HIP1: variants seen among roughly 807,000 people sequenced by gnomAD.
HIP1 encodes huntingtin interacting protein 1.
Under a neutral mutation model 147.6 loss-of-function variants are expected in HIP1, and 65 were observed. The observed-to-expected ratio is 0.44, with a 90% CI of 0.36 to 0.54. The LOEUF (loss-of-function observed/expected upper bound fraction) is 0.54. HIP1 is among the 20% of genes least tolerant of loss of function. The pLI, the probability that HIP1 is intolerant of heterozygous loss-of-function variation, is 0.00. For synonymous variants in HIP1, 479 were observed against 504.0 expected (o/e 0.95, Z 0.67); for missense variants, 1,061 against 1,299.6 (o/e 0.82, Z 2.82).
intron 1 of HIP1, among the ~76,000 whole-genome samples, chr7:75,611,340 G>C (rs1440529325): frequency 1.3e-5 from 2 of 151,948 alleles, no homozygotes; most frequent in East Asian, 3.9e-4. Flanking sequence ...GGTGGTGCGT[G>C]CCTGTAGTCC....
At chr7:75,579,080 C>A (rs587606640) in intron 7 of HIP1, among the ~76,000 whole-genome samples, 5 of 152,026 alleles carry the variant, frequency 3.3e-5, no homozygotes, top group East Asian at 1.9e-4. Flanking sequence ...CGCCTCCCAA[C>A]GTGCTGAAAT....
At chr7:75,659,873 A>G (rs1486919723) in intron 1 of HIP1, among the ~76,000 whole-genome samples, 1 of 152,022 alleles carries the variant, frequency 6.6e-6, no homozygotes, top group African/African-American at 2.4e-5. Flanking sequence ...CACACCTGTA[A>G]TCCCAGCACT....
chr7:75,556,096 T>C lies in HIP1; in HGVS notation c.1757A>G (p.His586Arg), dbSNP rs781884875. 2.5e-6 allele frequency: 4 copies of C among 1,614,082 alleles called. No individual in the cohort carries two copies. The Admixed American group carries it at 5.0e-5, about 20-fold the overall frequency. ...AAGAGCAGATAATTCCTCCTCCCTA[T>C]GAGCTGCGCCACTCACCAGGCTGTC... ...ERDSLVSGAA[H>R]REEELSALRK... is the part of the protein sequence containing the mutation. Residue 586 changes from histidine (H) to arginine (R), a missense_variant, in exon 18 of 31, where the codon CAT (histidine) becomes CGT (arginine). By Grantham distance (29) the His-to-Arg change is conservative (BLOSUM62 0). Coordinates refer to ENST00000336926, the MANE Select transcript of HIP1 (RefSeq NM_005338.7).
chr7:75,619,725 G>A (rs959795940), intron 1 of HIP1, among the ~76,000 whole-genome samples: 13 of 152,052 alleles, frequency 8.5e-5, no homozygotes, highest in African/African-American at 3.1e-4. Context: ...ATTGGCATTC[G>A]ATACCCTTAA....
chr7:75,549,372 CTTTTTTTTTTT>C (rs60654435), intron 22 of HIP1, among the ~76,000 whole-genome samples: 1 of 121,200 alleles, frequency 8.3e-6, no homozygotes, highest in Non-Finnish European at 1.8e-5. Context: ...CTTTTCTTTT[CTTTTTTTTTTT>C]TTTTTGAGAC....
chr7:75,608,003 T>G (rs1373235058), intron 1 of HIP1, among the ~76,000 whole-genome samples: 1 of 152,082 alleles, frequency 6.6e-6, no homozygotes, highest in Non-Finnish European at 1.5e-5. Flanking sequence ...AAGCAGCACT[T>G]GTGAAAAGAA....
At chr7:75,671,835 A>G (rs143248836) in intron 1 of HIP1, among the ~76,000 whole-genome samples, 25 of 152,140 alleles carry the variant, frequency 1.6e-4, no homozygotes, top group African/African-American at 5.5e-4. Context: ...CCCAGGTTCA[A>G]GTGATTCTCC....
intron 1 of HIP1, among the ~76,000 whole-genome samples, chr7:75,729,961 A>G (rs1801781438): frequency 6.6e-6 from 1 of 152,094 alleles, no homozygotes. Flanking sequence ...TCACAGAGGC[A>G]CTCAACAGAA....
chr7:75,558,310 C>T (rs1298507074), intron 14 of HIP1, 55 bp from the exon 15 acceptor site: 2 of 1,350,494 alleles, frequency 1.5e-6, no homozygotes, highest in East Asian at 2.3e-5. Flanking sequence ...CCCTTGCCTT[C>T]CTTGCAATGA....
chr7:75,630,349 C>T (rs1798170166), intron 1 of HIP1, among the ~76,000 whole-genome samples: 1 of 151,272 alleles, frequency 6.6e-6, no homozygotes. Context: ...GTCCCAACTA[C>T]TCGGGAGGCT....
At chr7:75,610,203 C>CTTTTT (rs35158879) in intron 1 of HIP1, among the ~76,000 whole-genome samples, 7 of 133,032 alleles carry the variant, frequency 5.3e-5, no homozygotes, top group African/African-American at 2.0e-4. Flanking sequence ...TCATCCAGCC[C>CTTTTT]TTTTTTTTTT....
intron 1 of HIP1, among the ~76,000 whole-genome samples, chr7:75,686,902 T>G (rs1554517640): frequency 6.7e-6 from 1 of 150,092 alleles, no homozygotes; most frequent in Non-Finnish European, 1.5e-5. Flanking sequence ...CCAGGCTGGC[T>G]TCAAATTCCT....
At position 75,542,896 on chromosome 7, in the gene HIP1, C is replaced by G; in HGVS notation, c.2845G>C (p.Val949Leu). ...SRGVNQATAG[V>L]VASTISGKSQ... Reference sequence around the variant, plus strand: ...TTGCCGGAAATGGTTGAGGCCACAACGCCGGCAGTGGCCTGGTTCACTCCC... The same window carrying G: ...TTGCCGGAAATGGTTGAGGCCACAAGGCCGGCAGTGGCCTGGTTCACTCCC... Residue 949 changes from valine to leucine, a missense_variant, in exon 28 of 31, where the codon GTT (valine) becomes CTT (leucine). Around this residue, in one of 3 missense-constraint regions of HIP1, gnomAD observed 810 missense variants for 946.8 expected, o/e 0.86. Transcript: ENST00000336926. 6.2e-7 allele frequency: 1 copy of G among 1,614,098 alleles called. No homozygotes were observed. Among genetic ancestry groups the G allele is most frequent in the Non-Finnish European group, 8.5e-7 (1 of 1,180,010 alleles).
intron 1 of HIP1, among the ~76,000 whole-genome samples, chr7:75,689,120 T>C (rs968615232): frequency 2.6e-5 from 4 of 151,936 alleles, no homozygotes; most frequent in Admixed American, 2.0e-4. Context: ...GAGGCCAAGG[T>C]GGGAGGACCA....
At chr7:75,611,810 T>C in intron 1 of HIP1, 2 of 1,033,390 alleles carry the variant, frequency 1.9e-6, no homozygotes, top group Non-Finnish European at 2.3e-6. Context: ...CAGCAGGCCC[T>C]CGTGTCCCCG....
intron 1 of HIP1, among the ~76,000 whole-genome samples, chr7:75,623,210 C>G (rs28505851): frequency 4.1e-4 from 34 of 83,022 alleles, no homozygotes; most frequent in African/African-American, 9.0e-4. Flanking sequence ...AAAAAAAAAG[C>G]AAAAAAAAAA....
intron 5 of HIP1, among the ~76,000 whole-genome samples, chr7:75,582,410 G>A (rs1796090297): frequency 6.6e-6 from 1 of 152,184 alleles, no homozygotes; most frequent in Non-Finnish European, 1.5e-5. Context: ...AGTATCTACA[G>A]CCAGCATGAT....
chr7:75,555,466 G>A lies in HIP1; in HGVS notation c.1913C>T (p.Ala638Val). 1.2e-6 allele frequency: 2 copies of A among 1,614,162 alleles called. No homozygotes were observed. Among genetic ancestry groups the A allele is most frequent in the South Asian group, 2.2e-5 (2 of 91,078 alleles). The change falls in exon 19 of 31, where the codon GCC (alanine) becomes GTC (valine). Residue 638 changes from alanine to valine, a missense_variant. Transcript: ENST00000336926. ...RKAAEQVIQD[A>V]LNQLEEPPLI... is the part of the protein sequence containing the mutation. ...AGGAGGTTCTTCAAGCTGGTTCAGG[G>A]CGTCTTGTATCACCTGCTCCGCAGC...
In HIP1 at chr7:75,561,347, T is replaced by C; in HGVS notation, c.1173A>G (p.Leu391=). 1 of 1,612,316 alleles carries C rather than the reference T, an allele frequency of 6.2e-7. No individual in the cohort carries two copies. Among genetic ancestry groups the C allele is most frequent in the Non-Finnish European group, 8.5e-7 (1 of 1,178,278 alleles). Residue 391 remains leucine (L), a synonymous_variant, in exon 13 of 31, where the codon CTA becomes CTG. Coordinates refer to ENST00000336926, the MANE Select transcript of HIP1 (RefSeq NM_005338.7). ...YREISGLKAQ[L]ENMKTESQRV... ...GTTATACCTCAGTCTTCATGTTTTC[T>C]AGCTGTGCCTTCAATCCACTGATCT...
Sources: gnomAD v4.1 joint callset for allele counts (sites outside exome capture counted in the v4.1 genomes callset) on GRCh38, gnomAD v4.1.1 for gene constraint, gnomAD v4.1.1 regional missense constraint, MANE v1.5 for transcripts, NCBI Gene and HGNC (gene_info 2026-07-23, HGNC 2026-07-21) for gene names.